The following SDC2 variants were observed in gnomAD, a reference collection of about 807,000 sequenced individuals.
SDC2 encodes syndecan 2.
SDC2 carries 13 observed loss-of-function variants against 22.2 expected under a neutral mutation model. That is an observed-to-expected ratio of 0.59 (90% CI 0.38 to 0.93). The LOEUF (loss-of-function observed/expected upper bound fraction) is 0.93. Ranked by LOEUF, SDC2 falls within the 40% of genes least tolerant of loss-of-function variation. The probability of loss-of-function intolerance (pLI) is 0.00; values close to 1 mark genes in which losing one functional copy is unlikely to be tolerated. For missense variants in SDC2, 235 were observed against 246.8 expected, an observed-to-expected ratio of 0.95 and a Z score of 0.32; for synonymous variants, 94 against 92.8, an observed-to-expected ratio of 1.01 and a Z score of -0.07.
At chr8:96,574,252 A>G (rs772753271) in intron 1 of SDC2, among the ~76,000 whole-genome samples, 50 of 152,150 alleles carry the variant, frequency 3.3e-4, no homozygotes, top group Non-Finnish European at 5.7e-4. Context: ...CTAGATCTTC[A>G]TGGGGAAACC....
chr8:96,534,949 T>TG (rs1650816865), intron 1 of SDC2, among the ~76,000 whole-genome samples: 1 of 152,148 alleles, frequency 6.6e-6, no homozygotes, highest in African/African-American at 2.4e-5. Flanking sequence ...CAAATAGGGT[T>TG]GCTAGATAAA....
intron 1 of SDC2, among the ~76,000 whole-genome samples, chr8:96,556,942 AC>A (rs1814125828): frequency 6.6e-6 from 1 of 150,934 alleles, no homozygotes; most frequent in South Asian, 2.1e-4. Flanking sequence ...AAAACAAACA[AC>A]CCCATCAAAA....
intron 3 of SDC2, among the ~76,000 whole-genome samples, chr8:96,603,481 C>G (rs371226840): frequency 6.6e-5 from 10 of 152,180 alleles, no homozygotes; most frequent in African/African-American, 2.2e-4. Flanking sequence ...CAAGCATCCC[C>G]TTTTAGAGCT....
chr8:96,563,430 C>T (rs1375469334), intron 1 of SDC2, among the ~76,000 whole-genome samples: 1 of 152,192 alleles, frequency 6.6e-6, no homozygotes, highest in Non-Finnish European at 1.5e-5. Flanking sequence ...GCTGAGTGCT[C>T]TCCCTTCCTT....
intron 1 of SDC2, among the ~76,000 whole-genome samples, chr8:96,539,651 C>T (rs1234914644): frequency 6.6e-6 from 1 of 152,200 alleles, no homozygotes; most frequent in Non-Finnish European, 1.5e-5. Flanking sequence ...GTTGCCCAGT[C>T]TGATTTTATA....
chr8:96,570,549 A>G (rs1022947589), intron 1 of SDC2, among the ~76,000 whole-genome samples: 2 of 152,218 alleles, frequency 1.3e-5, no homozygotes, highest in Admixed American at 1.3e-4. Context: ...CGGCTGAGAA[A>G]GGCAAATGAA....
chr8:96,593,801 C>T (rs1024279653), intron 2 of SDC2, among the ~76,000 whole-genome samples: 1 of 152,184 alleles, frequency 6.6e-6, no homozygotes, highest in Non-Finnish European at 1.5e-5. Context: ...CAGTTTCCTC[C>T]TTTATAAAAT....
chr8:96,520,183 C>T (rs111471093), intron 1 of SDC2, among the ~76,000 whole-genome samples: 1 of 152,130 alleles, frequency 6.6e-6, no homozygotes, highest in Non-Finnish European at 1.5e-5. Flanking sequence ...TTGTAAAAAG[C>T]TCTCTTGAAT....
chr8:96,588,325 T>C (rs1258732675), intron 1 of SDC2, among the ~76,000 whole-genome samples: 2 of 152,216 alleles, frequency 1.3e-5, no homozygotes, highest in African/African-American at 4.8e-5. Flanking sequence ...AAGCCAGAAT[T>C]GACAAGTTTA....
In SDC2 at chr8:96,597,832, G is replaced by A. The variant is rs117982069; in HGVS notation, c.172+4241G>A. Among the ~76,000 whole-genome samples, 198 of 152,304 alleles carry A rather than the reference G, an allele frequency of 1.3e-3. 5 individuals carry two copies. The East Asian group carries it at 0.029, about 22-fold the overall frequency. On this transcript the variant is annotated intron_variant, in intron 2 of 4. Coordinates refer to ENST00000302190, the MANE Select transcript of SDC2 (RefSeq NM_002998.4). ...AGAACAGGCACCATTCTAGGTTCTAGGGACACTTCAGTAAATAAAATCTAA... is the reference window on the plus strand; with the variant it reads ...AGAACAGGCACCATTCTAGGTTCTAAGGACACTTCAGTAAATAAAATCTAA...
chr8:96,495,629 C>A (rs1449696446), intron 1 of SDC2, among the ~76,000 whole-genome samples: 1 of 152,130 alleles, frequency 6.6e-6, no homozygotes, highest in Non-Finnish European at 1.5e-5. Flanking sequence ...CAAATTATAT[C>A]ATCTTAAGGT....
At chr8:96,533,913 A>T (rs1488637784) in intron 1 of SDC2, among the ~76,000 whole-genome samples, 1 of 152,038 alleles carries the variant, frequency 6.6e-6, no homozygotes, top group Admixed American at 6.5e-5. Context: ...CTCGTTGGGG[A>T]GGCTTGGGCA....
At chr8:96,520,203 G>T (rs1045165560) in intron 1 of SDC2, among the ~76,000 whole-genome samples, 2 of 152,130 alleles carry the variant, frequency 1.3e-5, no homozygotes, top group African/African-American at 4.8e-5. Flanking sequence ...TCTACAAATA[G>T]AATCCATTTT....
At position 96,610,629 on chromosome 8, in the gene SDC2, G is replaced by T. The variant is rs1815159896; in HGVS notation, c.*1081G>T. On this transcript the variant is annotated 3_prime_UTR_variant, in exon 5 of 5. Coordinates refer to ENST00000302190, the MANE Select transcript of SDC2 (RefSeq NM_002998.4). ...TAAAAACTACTGAATAAATCATGTG[G>T]CCTAATATTGAAAATGTCACTGTTA... 6.6e-6 allele frequency: 1 copy of T among 152,530 alleles called. No homozygotes were observed. The highest frequency in any genetic ancestry group is 1.5e-5 in the Non-Finnish European group (1 of 68,016). 9.4% of individuals were successfully genotyped at this position (152,530 alleles called of 1,614,324 possible).
intron 1 of SDC2, among the ~76,000 whole-genome samples, chr8:96,522,951 T>C (rs1165466500): frequency 1.3e-5 from 2 of 152,206 alleles, no homozygotes; most frequent in African/African-American, 4.8e-5. Flanking sequence ...CCTGCTGCTT[T>C]TGCCTAGGGT....
At chr8:96,547,717 G>A (rs1009084234) in intron 1 of SDC2, among the ~76,000 whole-genome samples, 5 of 151,524 alleles carry the variant, frequency 3.3e-5, no homozygotes, top group Non-Finnish European at 7.4e-5. Context: ...GAGTTGACTT[G>A]GTATGGATCC....
At chr8:96,519,376 TCCA>T (rs769149831) in intron 1 of SDC2, among the ~76,000 whole-genome samples, 3 of 152,218 alleles carry the variant, frequency 2.0e-5, no homozygotes, top group Non-Finnish European at 2.9e-5. Context: ...TTCTTAATGC[TCCA>T]CGTTACAGAA....
chr8:96,602,694 A>G (rs1815012042), intron 3 of SDC2, among the ~76,000 whole-genome samples, 166 bp downstream of exon 3: 1 of 152,236 alleles, frequency 6.6e-6, no homozygotes, highest in Admixed American at 6.5e-5. Flanking sequence ...AAAATTGTGT[A>G]AGGACAAATG....
intron 1 of SDC2, among the ~76,000 whole-genome samples, chr8:96,532,435 T>TTG (rs1427035149): frequency 1.4e-5 from 2 of 140,468 alleles, no homozygotes; most frequent in Non-Finnish European, 3.1e-5. Context: ...TTTTTTTTTT[T>TTG]GGTAGGGCTT....
Sources: gnomAD v4.1 joint callset for allele counts (sites outside exome capture counted in the v4.1 genomes callset) on GRCh38, gnomAD v4.1.1 for gene constraint, MANE v1.5 for transcripts, NCBI Gene and HGNC (gene_info 2026-07-23, HGNC 2026-07-21) for gene names.